The following SCN1A variants were observed in gnomAD, a reference collection of about 807,000 sequenced individuals.
SCN1A encodes the protein sodium voltage-gated channel alpha subunit 1, also known as sodium channel protein type 1 subunit alpha.
In SCN1A, 13 loss-of-function variants were observed where a neutral mutation model predicts 193.7. The ratio of observed to expected loss-of-function variants is 0.07; its 90% CI spans 0.04 to 0.11. The LOEUF (loss-of-function observed/expected upper bound fraction) is 0.11. SCN1A is among the 10% of genes least tolerant of loss of function. The pLI is 1.00. For missense variants in SCN1A, 1,432 were observed against 2,451.1 expected, an observed-to-expected ratio of 0.58 and a Z score of 8.78; for synonymous variants, 781 against 843.6, an observed-to-expected ratio of 0.93 and a Z score of 1.29.
At chr2:166,143,167 ATT>A (rs66499233) in intron 1 of SCN1A, among the ~76,000 whole-genome samples, 2 of 126,172 alleles carry the variant, frequency 1.6e-5, no homozygotes, top group Admixed American at 1.8e-4. Flanking sequence ...AGAACTCAGC[ATT>A]TTTTTTTTTT....
intron 11 of SCN1A, 142 bp from the exon 12 acceptor site, chr2:166,047,118 T>C: frequency 1.1e-6 from 1 of 916,068 alleles, no homozygotes; most frequent in Admixed American, 2.6e-5. Flanking sequence ...TTTTTTTTTA[T>C]TGTTTCTTTA....
chr2:165,993,966 GAAAC>G, intron 28 of SCN1A, 176 bp downstream of exon 28: 1 of 615,096 alleles, frequency 1.6e-6, no homozygotes. Flanking sequence ...GATAGAATAA[GAAAC>G]AATACTGACA....
intron 19 of SCN1A, among the ~76,000 whole-genome samples, chr2:166,017,984 T>C (rs1693529864): frequency 6.6e-6 from 1 of 152,036 alleles, no homozygotes; most frequent in Admixed American, 6.6e-5. Flanking sequence ...GTAATTAATC[T>C]TCATGTAAGT....
At position 165,991,871 on chromosome 2, in the gene SCN1A, C is replaced by T. The variant is rs794726780; in HGVS notation, c.5404G>A (p.Glu1802Lys). The T allele has an allele frequency of 1.2e-6, 2 of 1,613,980 alleles. No individual in the cohort carries two copies. The highest frequency in any genetic ancestry group is 1.7e-6 in the Non-Finnish European group (2 of 1,179,946). Reference sequence around the variant, plus strand: ...TCATAGAACATCTCAAAGTCATCCTCACTCAGAGGCTCTGCACTTTCTTCA... The same window carrying T: ...TCATAGAACATCTCAAAGTCATCCTTACTCAGAGGCTCTGCACTTTCTTCA... ...ATEESAEPLS[E>K]DDFEMFYEVW... Residue 1802 changes from glutamate (E) to lysine (K), a missense_variant, in exon 29 of 29, where the codon GAG becomes AAG. Glu to Lys is a moderately conservative substitution (Grantham distance 56). Transcript: ENST00000674923.
intron 23 of SCN1A, among the ~76,000 whole-genome samples, chr2:166,004,200 A>G (rs1691337448): frequency 6.6e-6 from 1 of 151,602 alleles, no homozygotes; most frequent in African/African-American, 2.4e-5. Context: ...GAATAGAATT[A>G]GATTTCTTTC....
chr2:166,073,113 C>T (rs1345739564), intron 4 of SCN1A, among the ~76,000 whole-genome samples: 1 of 152,122 alleles, frequency 6.6e-6, no homozygotes, highest in African/African-American at 2.4e-5. Context: ...GCTGGGATTA[C>T]AGGCTTGAGC....
In SCN1A at chr2:165,991,926, C is replaced by T. The variant is rs369500022; in HGVS notation, c.5349G>A (p.Ala1783=). The change falls in exon 29 of 29, where the codon GCG becomes GCA. Residue 1783 remains alanine, a synonymous_variant. Coordinates refer to ENST00000674923, the MANE Select transcript of SCN1A (RefSeq NM_001165963.4). ...SFLVVVNMYI[A]VILENFSVAT... ...CAACACTGAAGTTCTCCAGGATGAC[C>T]GCGATGTACATGTTCACCACAACCA... The T allele has an allele frequency of 2.7e-5, 43 of 1,613,710 alleles. No homozygotes were observed. The highest frequency in any genetic ancestry group is 6.7e-5 in the East Asian group (3 of 44,844).
chr2:166,094,815 G>A (rs890443298), intron 2 of SCN1A, among the ~76,000 whole-genome samples: 3 of 90,696 alleles, frequency 3.3e-5, no homozygotes, highest in African/African-American at 1.2e-4. Flanking sequence ...ATCAGAGATG[G>A]GCAGTGTGCT....
chr2:166,104,348 G>A (rs1688460525), intron 2 of SCN1A: 1 of 152,146 alleles, frequency 6.6e-6, no homozygotes, highest in South Asian at 2.1e-4. Context: ...AATCTAGTAA[G>A]GTAAGAACAG....
intron 2 of SCN1A, among the ~76,000 whole-genome samples, chr2:166,109,821 A>T (rs1260415926): frequency 2.6e-5 from 4 of 152,042 alleles, no homozygotes; most frequent in Non-Finnish European, 5.9e-5. Flanking sequence ...GTTCCTTGAG[A>T]CACAAGAATA....
At chr2:166,095,257 T>C (rs1168352388) in intron 2 of SCN1A, among the ~76,000 whole-genome samples, 1 of 152,202 alleles carries the variant, frequency 6.6e-6, no homozygotes, top group African/African-American at 2.4e-5. Flanking sequence ...AGGTATGATA[T>C]AATTATTTGT....
At chr2:166,018,720 T>C (rs1693632352) in intron 19 of SCN1A, among the ~76,000 whole-genome samples, 1 of 152,100 alleles carries the variant, frequency 6.6e-6, no homozygotes, top group South Asian at 2.1e-4. Flanking sequence ...AATATGAGAA[T>C]AACATCAAAA....
At chr2:166,057,094 TA>T (rs1422636769) in intron 5 of SCN1A, among the ~76,000 whole-genome samples, 2 of 152,044 alleles carry the variant, frequency 1.3e-5, no homozygotes, top group African/African-American at 4.8e-5. Flanking sequence ...GGTTGACACT[TA>T]ACATGATGGG....
chr2:166,106,948 G>T (rs943729209), intron 2 of SCN1A, among the ~76,000 whole-genome samples: 1 of 152,074 alleles, frequency 6.6e-6, no homozygotes, highest in Middle Eastern at 3.2e-3. Context: ...AGAGCTAAGA[G>T]GCAATACACT....
At chr2:166,052,056 T>G in intron 8 of SCN1A, 68 bp from the exon 9 acceptor site, 1 of 1,443,888 alleles carries the variant, frequency 6.9e-7, no homozygotes, top group Non-Finnish European at 9.5e-7. Flanking sequence ...TCACACAATT[T>G]TCTTGAAAAC....
intron 19 of SCN1A, among the ~76,000 whole-genome samples, chr2:166,017,245 T>C (rs1445310283): frequency 6.6e-6 from 1 of 151,958 alleles, no homozygotes; most frequent in African/African-American, 2.4e-5. Flanking sequence ...TTGTTCAACA[T>C]GATAGACAGT....
intron 2 of SCN1A, among the ~76,000 whole-genome samples, chr2:166,102,403 G>A (rs1255474699): frequency 6.6e-6 from 1 of 151,862 alleles, no homozygotes; most frequent in African/African-American, 2.4e-5. Flanking sequence ...GGCTGAGGCA[G>A]GAGAATGGCG....
At chr2:166,132,145 A>G (rs985056119), upstream of SCN1A, among the ~76,000 whole-genome samples, 4 of 152,316 alleles carry the variant, frequency 2.6e-5, no homozygotes, top group African/African-American at 9.6e-5. Flanking sequence ...AGATGTTAGC[A>G]GGTCTTCTGA....
chr2:166,011,145 A>G (rs577853261), intron 22 of SCN1A, among the ~76,000 whole-genome samples: 1 of 151,096 alleles, frequency 6.6e-6, no homozygotes, highest in African/African-American at 2.4e-5. Flanking sequence ...TCACAGTAAC[A>G]TTGTTAAGTT....
Sources: allele counts gnomAD v4.1 joint callset (sites outside exome capture counted in the v4.1 genomes callset), GRCh38; gene constraint gnomAD v4.1.1; transcripts MANE v1.5; gene names NCBI Gene and HGNC (gene_info 2026-07-23, HGNC 2026-07-21).